The following UPF2 variants were observed in gnomAD, a reference collection of about 807,000 sequenced individuals.
The protein encoded by UPF2 is regulator of nonsense transcripts 2.
A neutral mutation model predicts 141.4 loss-of-function variants in UPF2; 17 were observed. The ratio of observed to expected loss-of-function variants is 0.12; its 90% confidence interval spans 0.08 to 0.18. The LOEUF (loss-of-function observed/expected upper bound fraction) is 0.18, where lower values mean the gene tolerates loss of function less well. Ranked by LOEUF, UPF2 falls within the 10% of genes least tolerant of loss-of-function variation. UPF2 has a pLI of 1.00. For synonymous variants in UPF2, 540 were observed against 498.0 expected (o/e 1.08, Z -1.12); for missense variants, 1,152 against 1,515.9 (o/e 0.76, Z 3.99).
At position 12,019,493 on chromosome 10, in the gene UPF2, T is replaced by C. The variant is rs1834279902; in HGVS notation, c.1146-5309A>G. 6.6e-6 allele frequency among the ~76,000 whole-genome samples: 1 copy of C among 152,254 alleles called. No homozygotes were observed. The highest frequency in any genetic ancestry group is 1.9e-4 in the East Asian group (1 of 5,202). ...AGTTCGCCAATGCCTGTCACACTAC[T>C]ACATGTCTTATAAATTAGTACATTC... On this transcript the variant is annotated intron_variant, in intron 3 of 21. Transcript: ENST00000357604. This position sits in a 1 kb window ranked among gnomAD's most constrained non-coding sequence, Gnocchi z 4.5.
At chr10:11,985,545 G>GA (rs920880916) in intron 8 of UPF2, among the ~76,000 whole-genome samples, 5 of 151,048 alleles carry the variant, frequency 3.3e-5, no homozygotes, top group Non-Finnish European at 5.9e-5. Flanking sequence ...GCTGAGGCAG[G>GA]AGAATGGCGT....
intron 14 of UPF2, among the ~76,000 whole-genome samples, chr10:11,954,337 T>G (rs1469050678): frequency 1.3e-5 from 2 of 151,864 alleles, no homozygotes; most frequent in Admixed American, 6.6e-5. Flanking sequence ...TTTTCTTTTT[T>G]TAAAAAAAAA....
At chr10:11,966,704 G>A (rs1204328014) in intron 10 of UPF2, among the ~76,000 whole-genome samples, 4 of 152,352 alleles carry the variant, frequency 2.6e-5, no homozygotes, top group Non-Finnish European at 4.4e-5. Context: ...GATTAAAGGC[G>A]TGAGCCACCA....
intron 1 of UPF2, among the ~76,000 whole-genome samples, chr10:12,037,561 A>G (rs1834654971): frequency 6.6e-6 from 1 of 151,194 alleles, no homozygotes; most frequent in African/African-American, 2.4e-5. Context: ...ACACTCAGCT[A>G]ATTTTTGTAT....
chr10:12,024,245 C>T (rs1834368844), intron 3 of UPF2, among the ~76,000 whole-genome samples: 1 of 151,670 alleles, frequency 6.6e-6, no homozygotes, highest in Admixed American at 6.6e-5. Flanking sequence ...ATTGCTTGAA[C>T]CCAGGAGTTC....
intron 9 of UPF2, among the ~76,000 whole-genome samples, chr10:11,971,101 G>A (rs1254969427): frequency 2.0e-5 from 3 of 151,928 alleles, no homozygotes; most frequent in Non-Finnish European, 4.4e-5. Context: ...TAATAAAAAA[G>A]ATAAAATTAT....
intron 19 of UPF2, among the ~76,000 whole-genome samples, chr10:11,933,701 G>T (rs1286270487): frequency 6.6e-6 from 1 of 152,006 alleles, no homozygotes; most frequent in Non-Finnish European, 1.5e-5. Context: ...TTTCTTTTAA[G>T]TAGGCATTGA....
At chr10:11,967,675 G>A (rs567140527) in intron 9 of UPF2, among the ~76,000 whole-genome samples, 17 of 148,438 alleles carry the variant, frequency 1.1e-4, no homozygotes, top group Admixed American at 4.1e-4. Context: ...TCACCCTCCC[G>A]AGTAGCTGGG....
chr10:11,964,205 G>A, intron 10 of UPF2, 80 bp from the exon 11 acceptor site: 1 of 992,336 alleles, frequency 1.0e-6, no homozygotes, highest in Non-Finnish European at 1.4e-6. Context: ...CATCTAATGT[G>A]TGTAACAACT....
chr10:12,009,961 A>G (rs752002195), intron 4 of UPF2, among the ~76,000 whole-genome samples: 4 of 152,212 alleles, frequency 2.6e-5, no homozygotes, highest in Non-Finnish European at 4.4e-5. Flanking sequence ...TAAGACTCAC[A>G]GAGAGGCTCA....
intron 2 of UPF2, among the ~76,000 whole-genome samples, chr10:12,031,225 C>CAA (rs1314733733): frequency 6.6e-6 from 1 of 150,884 alleles, no homozygotes; most frequent in Non-Finnish European, 1.5e-5. Context: ...ATTGTTTTTC[C>CAA]ATCCTCAGCA....
intron 4 of UPF2, among the ~76,000 whole-genome samples, chr10:12,011,000 GAGAT>G (rs1339335289): frequency 1.3e-5 from 2 of 151,838 alleles, no homozygotes; most frequent in Non-Finnish European, 2.9e-5. Context: ...TTTTTTTTAA[GAGAT>G]AGAGTCTCAC....
chr10:11,973,432 T>C (rs972284325), intron 9 of UPF2, among the ~76,000 whole-genome samples: 15 of 152,230 alleles, frequency 9.9e-5, no homozygotes, highest in Non-Finnish European at 1.0e-4. Flanking sequence ...CCATTGCTTT[T>C]GGTGTTTTAG....
intron 9 of UPF2, 61 bp from the exon 10 acceptor site, chr10:11,967,515 C>T: frequency 4.1e-6 from 3 of 731,544 alleles, no homozygotes; most frequent in Non-Finnish European, 6.3e-6. Context: ...GTGATAAAAA[C>T]TATTATTTTA....
chr10:11,941,779 T>C (rs1309909830), intron 18 of UPF2, among the ~76,000 whole-genome samples: 2 of 152,170 alleles, frequency 1.3e-5, no homozygotes, highest in Non-Finnish European at 2.9e-5. Flanking sequence ...AACAAGTACA[T>C]ATAGGGCTGA....
At chr10:11,946,030 A>G (rs182457730) in intron 16 of UPF2, among the ~76,000 whole-genome samples, 54 of 152,260 alleles carry the variant, frequency 3.5e-4, no homozygotes, top group African/African-American at 1.3e-3. Flanking sequence ...CCAGTTCTAA[A>G]TTTTTACTAA....
At chr10:11,975,534 G>A (rs1833492346) in intron 9 of UPF2, among the ~76,000 whole-genome samples, 1 of 152,128 alleles carries the variant, frequency 6.6e-6, no homozygotes, top group Non-Finnish European at 1.5e-5. Context: ...TTGAGATGGA[G>A]TTTCACTCTT....
intron 18 of UPF2, among the ~76,000 whole-genome samples, chr10:11,941,564 TA>T (rs80026377): frequency 1.8e-4 from 26 of 146,082 alleles, no homozygotes; most frequent in East Asian, 2.0e-4. Context: ...CTTCTACCTT[TA>T]AAAAAAAAAA....
rs1321850622 is a variant in UPF2, at chr10:11,936,873, C to T, written c.3379-161G>A. ...AACCACCATAATACTCTTTCTGAAA[C>T]GTGGATAAATCTAGGGAGTATTTCT... On this transcript the variant is annotated intron_variant, in intron 18 of 21. Transcript: ENST00000357604. This position sits in a 1 kb window ranked among gnomAD's most constrained non-coding sequence, Gnocchi z 6.6. Among the ~76,000 whole-genome samples, 2 of 152,222 alleles carry T rather than the reference C, an allele frequency of 1.3e-5. No homozygotes were observed. The highest frequency in any genetic ancestry group is 2.9e-5 in the Non-Finnish European group (2 of 68,044).
Sources: gnomAD v4.1 joint callset for allele counts (sites outside exome capture counted in the v4.1 genomes callset) on GRCh38, gnomAD v4.1.1 for gene constraint, Gnocchi (gnomAD v3.1) non-coding constraint, MANE v1.5 for transcripts, NCBI Gene and HGNC (gene_info 2026-07-23, HGNC 2026-07-21) for gene names.